Variants in RYR2 observed in about 807,000 individuals in gnomAD.
RYR2 encodes the protein ryanodine receptor 2.
In RYR2, 227 loss-of-function variants were observed where a neutral mutation model predicts 601.1. The observed-to-expected ratio is 0.38, with a 90% CI of 0.34 to 0.42. RYR2 has a LOEUF of 0.42. Among genes scored for constraint, RYR2 ranks in the 10% least tolerant of loss-of-function variants. RYR2 has a pLI of 1.00. For missense variants in RYR2, 4,646 were observed against 6,156.5 expected, an observed-to-expected ratio of 0.75 and a Z score of 8.21; for synonymous variants, 2,223 against 2,175.1, an observed-to-expected ratio of 1.02 and a Z score of -0.61.
At chr1:237,111,609 AAAAG>A (rs954561488) in intron 1 of RYR2, among the ~76,000 whole-genome samples, 3 of 152,100 alleles carry the variant, frequency 2.0e-5, no homozygotes, top group African/African-American at 7.2e-5. Context: ...AAAAAAAAAA[AAAAG>A]GCACATTTGA....
At chr1:237,664,118 C>T (rs2148861211) in intron 56 of RYR2, among the ~76,000 whole-genome samples, 1 of 152,236 alleles carries the variant, frequency 6.6e-6, no homozygotes, top group South Asian at 2.1e-4. Flanking sequence ...TTTTTCAGTA[C>T]TACACATGTA....
At position 237,080,435 on chromosome 1, in the gene RYR2, A is replaced by G. The variant is rs866273233; in HGVS notation, c.48+37866A>G. Among the ~76,000 whole-genome samples, 5 of 31,604 alleles carry G rather than the reference A, an allele frequency of 1.6e-4. No homozygotes were observed. In the South Asian group the frequency reaches 3.2e-3, roughly 20 times the overall value. 20.7% of individuals were successfully genotyped at this position (31,604 alleles called of 152,430 possible). ...AATGAACTCAAACAAATTTACAAGA[A>G]AAAAACAAACAACCCCATCAAAAAG... On this transcript the variant is annotated intron_variant, in intron 1 of 104. Transcript: ENST00000366574.
intron 1 of RYR2, among the ~76,000 whole-genome samples, chr1:237,243,137 C>T (rs1686386560): frequency 6.6e-6 from 1 of 151,670 alleles, no homozygotes; most frequent in African/African-American, 2.4e-5. Flanking sequence ...ACTTCTGTGA[C>T]CGGGGTCAGG....
intron 46 of RYR2, 21 bp downstream of exon 46, chr1:237,639,222 C>G (rs755995835): frequency 1.3e-6 from 2 of 1,586,384 alleles, no homozygotes; most frequent in Admixed American, 3.5e-5. Flanking sequence ...TATACACACC[C>G]TCACGAGTGA....
intron 91 of RYR2, 22 bp from the exon 92 acceptor site, chr1:237,787,966 T>A: frequency 6.4e-7 from 1 of 1,570,180 alleles, no homozygotes; most frequent in Non-Finnish European, 8.6e-7. Context: ...AGAGCTTATG[T>A]TTTGTTTGTT....
At chr1:237,195,036 T>C (rs905275319) in intron 1 of RYR2, among the ~76,000 whole-genome samples, 10 of 152,188 alleles carry the variant, frequency 6.6e-5, no homozygotes, top group African/African-American at 2.4e-4. Flanking sequence ...TGAATAGGTA[T>C]GTTAGGATTT....
intron 80 of RYR2, among the ~76,000 whole-genome samples, chr1:237,743,960 T>C (rs950551156): frequency 5.9e-4 from 90 of 152,296 alleles, no homozygotes; most frequent in African/African-American, 2.2e-3. Context: ...TCTGACCTTA[T>C]CCCTCTTGAT....
chr1:237,663,491 C>T (rs12060573), intron 56 of RYR2, among the ~76,000 whole-genome samples: 17,563 of 152,136 alleles, frequency 0.12, 3,045 homozygotes, highest in African/African-American at 0.37. Context: ...CCATGGTTAA[C>T]GGCAGTATCT....
rs1688007466 is a variant in RYR2 at position 237,702,009 on chromosome 1, T to G, written c.9399T>G (p.Ile3133Met). Residue 3133 changes from isoleucine (I) to methionine (M), a missense_variant, in exon 66 of 105, where the codon ATT becomes ATG. Coordinates refer to ENST00000366574, the MANE Select transcript of RYR2 (RefSeq NM_001035.3). Reference sequence around the variant, plus strand: ...ATGTCCAGGTGTCTTGTTATAGAATTCTGACTAGCTTATATGCTTTGGGAA... The same window carrying G: ...ATGTCCAGGTGTCTTGTTATAGAATGCTGACTAGCTTATATGCTTTGGGAA... ...LEDVQVSCYR[I>M]LTSLYALGTS... 6.2e-7 allele frequency: 1 copy of G among 1,608,482 alleles called. No homozygotes were observed. Among genetic ancestry groups the G allele is most frequent in the Non-Finnish European group, 8.5e-7 (1 of 1,175,270 alleles).
chr1:237,735,769 A>G (rs1691086462), intron 79 of RYR2, among the ~76,000 whole-genome samples: 1 of 152,184 alleles, frequency 6.6e-6, no homozygotes, highest in African/African-American at 2.4e-5. Context: ...AATACCTAAT[A>G]CAATGTAAAT....
intron 17 of RYR2, among the ~76,000 whole-genome samples, chr1:237,484,926 A>G (rs1437902103): frequency 8.5e-5 from 13 of 152,164 alleles, no homozygotes. Context: ...TTCTCGGGAG[A>G]ACATAAATAA....
intron 27 of RYR2, among the ~76,000 whole-genome samples, chr1:237,555,942 T>G (rs901954251): frequency 2.6e-5 from 4 of 152,084 alleles, no homozygotes; most frequent in African/African-American, 7.2e-5. Context: ...ATGGTTATAT[T>G]TTAAAGATAT....
At chr1:237,420,106 C>T (rs866185427) in intron 11 of RYR2, among the ~76,000 whole-genome samples, 34 of 152,214 alleles carry the variant, frequency 2.2e-4, no homozygotes, top group South Asian at 1.2e-3. Context: ...CATACTCTTA[C>T]ACATGAAACT....
At chr1:237,746,041 A>G (rs1459693118) in intron 80 of RYR2, among the ~76,000 whole-genome samples, 1 of 152,180 alleles carries the variant, frequency 6.6e-6, no homozygotes, top group Non-Finnish European at 1.5e-5. Context: ...GCTGAGAAAC[A>G]GAGATATATA....
At chr1:237,389,281 G>A (rs914402683) in intron 10 of RYR2, among the ~76,000 whole-genome samples, 2 of 152,116 alleles carry the variant, frequency 1.3e-5, no homozygotes, top group African/African-American at 4.8e-5. Flanking sequence ...GCATATTCTG[G>A]GAATAGCAAT....
chr1:237,313,370 AAATGT>A (rs1694770129), intron 2 of RYR2, among the ~76,000 whole-genome samples: 1 of 152,162 alleles, frequency 6.6e-6, no homozygotes, highest in Admixed American at 6.5e-5. Flanking sequence ...GGTGAGCTCT[AAATGT>A]AATCACAAGT....
At position 237,723,251 on chromosome 1, in the gene RYR2, C is replaced by T; in HGVS notation, c.10678C>T (p.His3560Tyr). Residue 3560 changes from histidine to tyrosine, a missense_variant, in exon 74 of 105, where the codon CAT becomes TAT. By Grantham distance (83) the His-to-Tyr change is moderately conservative. Coordinates refer to ENST00000366574, the MANE Select transcript of RYR2 (RefSeq NM_001035.3). Reference sequence around the variant, plus strand: ...ATTGGATATAGCAAATGTGCTTTTTCATCTTGAACAGGTCAGGCTTTGTGT... The same window carrying T: ...ATTGGATATAGCAAATGTGCTTTTTTATCTTGAACAGGTCAGGCTTTGTGT... ...RVLDIANVLF[H>Y]LEQKSKRVGR... The T allele has an allele frequency of 6.2e-7, 1 of 1,611,414 alleles. No individual in the cohort carries two copies. Among genetic ancestry groups the T allele is most frequent in the Admixed American group, 1.7e-5 (1 of 59,978 alleles).
chr1:237,831,278 T>A, intron 103 of RYR2, among the ~76,000 whole-genome samples: 1 of 152,214 alleles, frequency 6.6e-6, no homozygotes, highest in East Asian at 1.9e-4. Context: ...GATTTGATTC[T>A]GACCAGTGTG....
At chr1:237,121,564 T>C (rs1490360293) in intron 1 of RYR2, among the ~76,000 whole-genome samples, 1 of 152,234 alleles carries the variant, frequency 6.6e-6, no homozygotes, top group East Asian at 1.9e-4. Context: ...CCCCAAATTA[T>C]TAGAAGACAT....
Sources: gnomAD v4.1 joint callset for allele counts (sites outside exome capture counted in the v4.1 genomes callset) on GRCh38, gnomAD v4.1.1 for gene constraint, MANE v1.5 for transcripts, NCBI Gene and HGNC (gene_info 2026-07-23, HGNC 2026-07-21) for gene names.